The following OSBPL1A variants were observed in gnomAD, a reference collection of about 807,000 sequenced individuals.
The protein encoded by OSBPL1A is oxysterol binding protein like 1A.
OSBPL1A carries 80 observed loss-of-function variants against 137.1 expected under a neutral mutation model. That is an observed-to-expected ratio of 0.58 (90% CI 0.49 to 0.70). The LOEUF is 0.70. Among genes scored for constraint, OSBPL1A ranks in the 30% least tolerant of loss-of-function variants. The pLI, the probability that OSBPL1A is intolerant of heterozygous loss-of-function variation, is 0.00. For missense variants in OSBPL1A, 970 were observed against 1,129.4 expected (o/e 0.86, Z 2.02); for synonymous variants, 365 against 389.7 (o/e 0.94, Z 0.75).
At chr18:24,188,967 C>G (rs907645980) in intron 18 of OSBPL1A, among the ~76,000 whole-genome samples, 1 of 152,294 alleles carries the variant, frequency 6.6e-6, no homozygotes, top group South Asian at 2.1e-4. Context: ...AGAAAAACAA[C>G]AATTCACATT....
Position 24,203,998 on chromosome 18 carries a change from G to T in OSBPL1A, c.1602-7798C>A, listed in dbSNP as rs142543829. 3.4e-3 allele frequency among the ~76,000 whole-genome samples: 511 copies of T among 152,168 alleles called. 2 individuals are homozygous for T. The highest frequency in any genetic ancestry group is 0.012 in the African/African-American group (490 of 41,506). On this transcript the variant is annotated intron_variant, in intron 17 of 27. Transcript: ENST00000319481. ...AGAAACAATGCAACAAAAATATTTC[G>T]ATATATGATGTATTCTTATTTAAAT...
intron 14 of OSBPL1A, among the ~76,000 whole-genome samples, chr18:24,289,152 T>C (rs1314130374): frequency 2.0e-5 from 3 of 152,058 alleles, no homozygotes; most frequent in Non-Finnish European, 4.4e-5. Flanking sequence ...AAAAGGGGGA[T>C]TTCTTTTTTG....
intron 2 of OSBPL1A, among the ~76,000 whole-genome samples, chr18:24,369,241 G>A (rs1038410707): frequency 4.6e-5 from 7 of 152,168 alleles, no homozygotes; most frequent in African/African-American, 9.7e-5. Flanking sequence ...AGAGAGGACC[G>A]AAGTTAAAGA....
chr18:24,352,552 C>T (rs62088015), intron 4 of OSBPL1A, among the ~76,000 whole-genome samples: 95,332 of 151,182 alleles, frequency 0.63, 30,413 homozygotes, highest in East Asian at 0.82. Flanking sequence ...CTTCACAGAA[C>T]TGGAAAAAAC....
At chr18:24,322,106 C>CTT (rs71266986) in intron 7 of OSBPL1A, among the ~76,000 whole-genome samples, 12,759 of 122,380 alleles carry the variant, frequency 0.1, 869 homozygotes, top group Non-Finnish European at 0.13. Flanking sequence ...AAATATGTGA[C>CTT]TTTTTTTTTT....
At chr18:24,296,318 G>C (rs529631025) in intron 14 of OSBPL1A, among the ~76,000 whole-genome samples, 1 of 152,128 alleles carries the variant, frequency 6.6e-6, no homozygotes, top group Non-Finnish European at 1.5e-5. Context: ...CGCTGTTGCT[G>C]TACAGCTGTG....
chr18:24,396,544 G>A (rs912018706), intron 1 of OSBPL1A, among the ~76,000 whole-genome samples: 1 of 152,130 alleles, frequency 6.6e-6, no homozygotes, highest in Non-Finnish European at 1.5e-5. Flanking sequence ...TTTTAAGAAA[G>A]GAATGTTACT....
intron 24 of OSBPL1A, 45 bp downstream of exon 24, chr18:24,170,282 G>C (rs927721349): frequency 2.5e-6 from 4 of 1,610,682 alleles, no homozygotes; most frequent in African/African-American, 2.7e-5. Flanking sequence ...AGTACACATT[G>C]AAGAATCCAG....
chr18:24,265,434 C>T (rs1392688343), intron 15 of OSBPL1A, among the ~76,000 whole-genome samples: 1 of 152,134 alleles, frequency 6.6e-6, no homozygotes, highest in East Asian at 1.9e-4. Flanking sequence ...GAGCAGAGAT[C>T]ACGTTACTGC....
intron 4 of OSBPL1A, among the ~76,000 whole-genome samples, chr18:24,342,621 T>A (rs528375306): frequency 8.5e-5 from 13 of 152,218 alleles, no homozygotes; most frequent in Non-Finnish European, 1.8e-4. Flanking sequence ...TCTTTTAGAA[T>A]GTTTTCATAG....
chr18:24,167,289 A>G (rs2086165919), intron 25 of OSBPL1A, 40 bp downstream of exon 25: 4 of 1,559,518 alleles, frequency 2.6e-6, no homozygotes, highest in Admixed American at 1.7e-5. Context: ...ACAATGCTAA[A>G]CACAGACAGT....
At chr18:24,336,527 C>T (rs928615774) in intron 5 of OSBPL1A, among the ~76,000 whole-genome samples, 3 of 151,996 alleles carry the variant, frequency 2.0e-5, no homozygotes, top group East Asian at 1.9e-4. Context: ...CTACAGAAAT[C>T]GTTCTAAAGG....
intron 13 of OSBPL1A, among the ~76,000 whole-genome samples, chr18:24,308,408 T>G (rs1417435323): frequency 6.6e-6 from 1 of 150,872 alleles, no homozygotes; most frequent in Non-Finnish European, 1.5e-5. Flanking sequence ...GTTTTTAAGA[T>G]GGGGATTCGC....
chr18:24,354,126 C>T (rs2091493233), intron 4 of OSBPL1A, among the ~76,000 whole-genome samples: 1 of 151,418 alleles, frequency 6.6e-6, no homozygotes, highest in Non-Finnish European at 1.5e-5. Context: ...TATCTATAAA[C>T]AGGAGGTTAA....
intron 12 of OSBPL1A, among the ~76,000 whole-genome samples, chr18:24,314,024 G>A (rs2090673441): frequency 6.6e-6 from 1 of 152,208 alleles, no homozygotes. Context: ...AGAATCGCCT[G>A]AGCCTGGGAG....
In OSBPL1A at chr18:24,341,615, ATAG is replaced by A. The variant is rs769081592; in HGVS notation, c.323_325del (p.Thr108del). 4 of 1,612,896 alleles carry A rather than the reference ATAG, an allele frequency of 2.5e-6. No homozygotes were observed. The South Asian group carries it at 4.4e-5, about 18-fold the overall frequency. On this transcript the variant is annotated inframe_deletion, in exon 5 of 28. Transcript: ENST00000319481. ...TGCTGTCTGTCCACTCCCATTAACA[ATAG>A]TAGTATCAGCATTATATTCTAAGAG...
intron 7 of OSBPL1A, among the ~76,000 whole-genome samples, chr18:24,324,603 T>TA (rs71163674): frequency 0.022 from 124 of 5,654 alleles, 13 homozygotes; most frequent in Middle Eastern, 0.5. Context: ...AATATGAATA[T>TA]AAAAAAAAAA....
At chr18:24,347,279 C>T (rs1254051816) in intron 4 of OSBPL1A, among the ~76,000 whole-genome samples, 3 of 152,084 alleles carry the variant, frequency 2.0e-5, no homozygotes, top group East Asian at 3.9e-4. Flanking sequence ...CAGCTTCAAG[C>T]GATTCTCCTG....
rs1375516587 is a variant in OSBPL1A, at chr18:24,365,034, A to C, written c.282+1858T>G. ...TCTCAAAAAACAACAACAAAAAAAA[A>C]AAAAAAAAAAAAAATCCAGAAACAT... is the stretch of plus-strand genomic sequence containing the variant. On this transcript the variant is annotated intron_variant, in intron 4 of 27. Transcript: ENST00000319481. Among the ~76,000 whole-genome samples the C allele has an allele frequency of 1.5e-4, 23 of 151,564 alleles. 1 individual carries two copies. The highest frequency in any genetic ancestry group is 5.6e-4 in the African/African-American group (23 of 41,398).
Sources: allele counts gnomAD v4.1 joint callset (sites outside exome capture counted in the v4.1 genomes callset), GRCh38; gene constraint gnomAD v4.1.1; transcripts MANE v1.5; gene names NCBI Gene and HGNC (gene_info 2026-07-23, HGNC 2026-07-21).